VTCN1: variants seen among roughly 807,000 people sequenced by gnomAD.
VTCN1 encodes the protein V-set domain containing T cell activation inhibitor 1.
VTCN1 carries 26 observed loss-of-function variants against 26.5 expected under a neutral mutation model. The observed-to-expected ratio is 0.98, with a 90% CI of 0.72 to 1.36. VTCN1 has a LOEUF of 1.36. VTCN1 is among the 40% of genes most tolerant of loss of function. VTCN1 has a pLI of 0.00. For synonymous variants in VTCN1, 116 were observed against 130.7 expected (o/e 0.89, Z 0.77); for missense variants, 298 against 337.7 (o/e 0.88, Z 0.92).
At chr1:117,201,383 G>A (rs534701755) in intron 1 of VTCN1, among the ~76,000 whole-genome samples, 1 of 152,090 alleles carries the variant, frequency 6.6e-6, no homozygotes, top group African/African-American at 2.4e-5. Context: ...CAGAGCTGCC[G>A]ACCAGAAAGG....
At chr1:117,194,422 G>A (rs538834879) in intron 1 of VTCN1, among the ~76,000 whole-genome samples, 17 of 152,284 alleles carry the variant, frequency 1.1e-4, no homozygotes, top group Admixed American at 1.0e-3. Flanking sequence ...CTATTGGTGG[G>A]AATGTAAATT....
intron 2 of VTCN1, among the ~76,000 whole-genome samples, chr1:117,168,121 A>G (rs968368367): frequency 5.9e-5 from 9 of 152,216 alleles, no homozygotes; most frequent in African/African-American, 2.2e-4. Context: ...TAGGAAATCA[A>G]TATTACAATG....
At chr1:117,207,679 G>A (rs1649128957) in intron 1 of VTCN1, among the ~76,000 whole-genome samples, 1 of 152,088 alleles carries the variant, frequency 6.6e-6, no homozygotes, top group Non-Finnish European at 1.5e-5. Flanking sequence ...GGAATCTCAA[G>A]CTCAACACAT....
intron 1 of VTCN1, among the ~76,000 whole-genome samples, chr1:117,201,623 G>T (rs1297553433): frequency 6.6e-6 from 1 of 152,220 alleles, no homozygotes; most frequent in African/African-American, 2.4e-5. Flanking sequence ...AAGAGATATA[G>T]CCCCTTTATG....
chr1:117,158,990 C>G (rs1264076827), intron 2 of VTCN1, among the ~76,000 whole-genome samples: 1 of 152,204 alleles, frequency 6.6e-6, no homozygotes, highest in Non-Finnish European at 1.5e-5. Flanking sequence ...TCTGAGACCA[C>G]TTCAGTCTGG....
At chr1:117,172,648 C>T (rs866388995) in intron 1 of VTCN1, among the ~76,000 whole-genome samples, 1 of 152,128 alleles carries the variant, frequency 6.6e-6, no homozygotes, top group African/African-American at 2.4e-5. Context: ...TGTCCCCCCC[C>T]ACATTCACAT....
intron 4 of VTCN1, among the ~76,000 whole-genome samples, chr1:117,148,164 C>T (rs1229387227): frequency 1.3e-5 from 2 of 152,182 alleles, no homozygotes; most frequent in Non-Finnish European, 1.5e-5. Flanking sequence ...CATCATACCA[C>T]TATAAAGTGT....
At chr1:117,164,722 T>A (rs17036892) in intron 2 of VTCN1, among the ~76,000 whole-genome samples, 1 of 152,196 alleles carries the variant, frequency 6.6e-6, no homozygotes, top group Non-Finnish European at 1.5e-5. Context: ...ATTCTGAGAT[T>A]CTTCCATTAT....
At chr1:117,170,629 T>A (rs1652860315) in intron 1 of VTCN1, among the ~76,000 whole-genome samples, 1 of 152,176 alleles carries the variant, frequency 6.6e-6, no homozygotes, top group African/African-American at 2.4e-5. Context: ...TGGTCACATC[T>A]TCTTCACTTT....
At chr1:117,200,189 C>T (rs773055678) in intron 1 of VTCN1, among the ~76,000 whole-genome samples, 1 of 152,032 alleles carries the variant, frequency 6.6e-6, no homozygotes, top group Admixed American at 6.6e-5. Context: ...ATTGCTTGAG[C>T]CCAGGAGTTT....
intron 2 of VTCN1, among the ~76,000 whole-genome samples, chr1:117,158,089 G>A (rs1414433730): frequency 6.6e-6 from 1 of 152,198 alleles, no homozygotes; most frequent in East Asian, 1.9e-4. Flanking sequence ...TGCTTTCATA[G>A]GCTGGCATTG....
Position 117,169,820 on chromosome 1 carries a change from A to G in VTCN1, c.97+287T>C, listed in dbSNP as rs1652804690. 6.6e-6 allele frequency among the ~76,000 whole-genome samples: 1 copy of G among 152,138 alleles called. No homozygotes were observed. Among genetic ancestry groups the G allele is most frequent in the South Asian group, 2.1e-4 (1 of 4,812 alleles). On this transcript the variant is annotated intron_variant, in intron 2 of 5. Coordinates refer to ENST00000369458, the MANE Select transcript of VTCN1 (RefSeq NM_024626.4). This position sits in a 1 kb window ranked among gnomAD's most constrained non-coding sequence, Gnocchi z 4.0. ...TGAGGTGAGAGGATGGCTTGAACCC[A>G]GGAGGTGGAGGTTGCAGTAAGCTGA...
At chr1:117,208,818 C>G (rs1021160687) in intron 1 of VTCN1, among the ~76,000 whole-genome samples, 1 of 152,162 alleles carries the variant, frequency 6.6e-6, no homozygotes, top group Non-Finnish European at 1.5e-5. Flanking sequence ...GAATTAGGCT[C>G]TCTGGAAATT....
chr1:117,177,115 C>T (rs564025385), intron 1 of VTCN1, among the ~76,000 whole-genome samples: 1 of 151,114 alleles, frequency 6.6e-6, no homozygotes, highest in Non-Finnish European at 1.5e-5. Context: ...ACCAAAAAAA[C>T]AAAAAAGGAA....
chr1:117,201,982 C>T (rs139968874), intron 1 of VTCN1, among the ~76,000 whole-genome samples: 2 of 152,308 alleles, frequency 1.3e-5, no homozygotes, highest in African/African-American at 4.8e-5. Flanking sequence ...GGCTTTCCAC[C>T]AGGACCTGTC....
intron 1 of VTCN1, among the ~76,000 whole-genome samples, chr1:117,201,028 C>T: frequency 6.6e-6 from 1 of 152,104 alleles, no homozygotes. Flanking sequence ...TGATCTGCCC[C>T]CCTTGGCCTC....
intron 2 of VTCN1, among the ~76,000 whole-genome samples, chr1:117,160,707 C>T (rs1652323249): frequency 6.6e-6 from 1 of 152,168 alleles, no homozygotes; most frequent in South Asian, 2.1e-4. Flanking sequence ...AACATACAAA[C>T]AAAGCAGACG....
rs745724870 is a variant in VTCN1, at chr1:117,183,157, G to A, written c.33-12986C>T. On this transcript the variant is annotated intron_variant, in intron 1 of 5. Coordinates refer to ENST00000369458, the MANE Select transcript of VTCN1 (RefSeq NM_024626.4). The surrounding 1 kb of genome is among the most constrained non-coding windows in gnomAD (Gnocchi z 4.1). ...CTGTGACTACTTTCTCCCATCTCCCGTCACCTCCACACTCCATCCATTCTA... is the reference window on the plus strand; with the variant it reads ...CTGTGACTACTTTCTCCCATCTCCCATCACCTCCACACTCCATCCATTCTA... Among the ~76,000 whole-genome samples, 27 of 152,070 alleles carry A rather than the reference G, an allele frequency of 1.8e-4. No individual in the cohort carries two copies. The highest frequency in any genetic ancestry group is 4.1e-4 in the South Asian group (2 of 4,822).
At chr1:117,199,387 G>GC (rs1176726407) in intron 1 of VTCN1, among the ~76,000 whole-genome samples, 1 of 152,044 alleles carries the variant, frequency 6.6e-6, no homozygotes, top group African/African-American at 2.4e-5. Context: ...GTGCAATGGC[G>GC]CGATCTCTGC....
Sources: allele counts gnomAD v4.1 joint callset (sites outside exome capture counted in the v4.1 genomes callset), GRCh38; gene constraint gnomAD v4.1.1; non-coding constraint Gnocchi (gnomAD v3.1); transcripts MANE v1.5; gene names NCBI Gene and HGNC (gene_info 2026-07-23, HGNC 2026-07-21).